Variants in PRIM2 observed in about 807,000 individuals in gnomAD.
PRIM2 encodes DNA primase subunit 2.
Under a neutral mutation model 67.3 loss-of-function variants are expected in PRIM2, and 39 were observed. The observed-to-expected ratio is 0.58, with a 90% CI of 0.45 to 0.76. PRIM2 has a LOEUF of 0.76. PRIM2 is among the 30% of genes least tolerant of loss of function. The pLI is 0.00. For missense variants in PRIM2, 398 were observed against 598.7 expected (o/e 0.66, Z 3.50); for synonymous variants, 143 against 198.7 (o/e 0.72, Z 2.36).
In PRIM2 at chr6:57,646,625, CTA is replaced by C. The variant is rs1477128845; in HGVS notation, c.*471_*472del. 6.6e-6 allele frequency: 1 copy of C among 152,456 alleles called. No homozygotes were observed. The highest frequency in any genetic ancestry group is 1.5e-5 in the Non-Finnish European group (1 of 68,414). 9.4% of individuals were successfully genotyped at this position (152,456 alleles called of 1,614,324 possible). ...TTTGAGGTAACAACAGAGACTTTCA[CTA>C]TATTTTGCTTTGACAGAAGGAAAGA... is the stretch of plus-strand genomic sequence containing the variant. On this transcript the variant is annotated 3_prime_UTR_variant, in exon 14 of 14. Transcript: ENST00000615550.
rs553292970 is a variant in PRIM2 at position 57,324,982 on chromosome 6, A to G, written c.338+702A>G. On this transcript the variant is annotated intron_variant, in intron 4 of 13. Transcript: ENST00000615550. ...TTATATAATAAATATGTTGCTGACAATCTGTGAAAATCTCCTAAAAATGTG... is the reference window on the plus strand; with the variant it reads ...TTATATAATAAATATGTTGCTGACAGTCTGTGAAAATCTCCTAAAAATGTG... Among the ~76,000 whole-genome samples, 6 of 152,290 alleles carry G rather than the reference A, an allele frequency of 3.9e-5. 1 individual carries two copies. The South Asian group carries it at 1.0e-3, about 26-fold the overall frequency.
chr6:57,256,017 A>G, the PRIM2 span, among the ~76,000 whole-genome samples: 10 of 106,286 alleles, frequency 9.4e-5, no homozygotes, highest in South Asian at 2.4e-3. Flanking sequence ...ACGCACACAC[A>G]CACACATACA....
At chr6:57,281,793 C>T in the PRIM2 span, among the ~76,000 whole-genome samples, 1 of 152,004 alleles carries the variant, frequency 6.6e-6, no homozygotes, top group Admixed American at 6.6e-5. Flanking sequence ...AATTCTCACT[C>T]ACTAAGATAT....
At chr6:57,637,432 T>C (rs1777140948) in intron 13 of PRIM2, among the ~76,000 whole-genome samples, 1 of 152,068 alleles carries the variant, frequency 6.6e-6, no homozygotes, top group Non-Finnish European at 1.5e-5. Flanking sequence ...GAAGTAGGCT[T>C]CAGAAGGTGG....
At chr6:57,412,835 A>G (rs1771136150) in intron 7 of PRIM2, among the ~76,000 whole-genome samples, 1 of 152,120 alleles carries the variant, frequency 6.6e-6, no homozygotes, top group Non-Finnish European at 1.5e-5. Flanking sequence ...AAGGCTATAT[A>G]AAATCTGTAT....
At chr6:57,550,504 A>G (rs1775380893) in intron 10 of PRIM2, among the ~76,000 whole-genome samples, 1 of 152,304 alleles carries the variant, frequency 6.6e-6, no homozygotes, top group South Asian at 2.1e-4. Flanking sequence ...TCCTAACACT[A>G]TTCTGGCAAA....
At chr6:57,524,875 A>G (rs1774713409) in intron 8 of PRIM2, among the ~76,000 whole-genome samples, 2 of 152,232 alleles carry the variant, frequency 1.3e-5, no homozygotes, top group South Asian at 4.2e-4. Context: ...AGAAGGCACT[A>G]TTATATGTAC....
intron 5 of PRIM2, among the ~76,000 whole-genome samples, chr6:57,357,018 C>T (rs979658880): frequency 1.3e-5 from 2 of 150,564 alleles, no homozygotes; most frequent in African/African-American, 4.9e-5. Context: ...ACTGCAACCT[C>T]GGCCTCCTGG....
intron 7 of PRIM2, among the ~76,000 whole-genome samples, chr6:57,495,198 A>G (rs1230119694): frequency 6.6e-6 from 1 of 152,232 alleles, no homozygotes; most frequent in Non-Finnish European, 1.5e-5. Context: ...ATTTTTAAAG[A>G]AAAACTGTAG....
chr6:57,540,482 T>C (rs1390980659), intron 10 of PRIM2, among the ~76,000 whole-genome samples: 3 of 152,240 alleles, frequency 2.0e-5, no homozygotes, highest in Non-Finnish European at 4.4e-5. Flanking sequence ...GGTCCACTTA[T>C]ATGTGGATTT....
the PRIM2 span, among the ~76,000 whole-genome samples, chr6:57,242,326 G>A: frequency 6.6e-6 from 1 of 152,022 alleles, no homozygotes; most frequent in African/African-American, 2.4e-5. Flanking sequence ...CATTTATTTT[G>A]TGTTTGAAAA....
At position 57,455,186 on chromosome 6, in the gene PRIM2, G is replaced by A. The variant is rs1220726730; in HGVS notation, c.694-52201G>A. 3.5e-4 allele frequency among the ~76,000 whole-genome samples: 53 copies of A among 152,292 alleles called. 1 individual carries two copies. In the South Asian group the frequency reaches 0.01, roughly 29 times the overall value. On this transcript the variant is annotated intron_variant, in intron 7 of 13. Transcript: ENST00000615550. ...TAATTTCTGTTCTTTTACATTTGCT[G>A]AGGAGTGCTTTACTTCCAACTATGT...
intron 7 of PRIM2, among the ~76,000 whole-genome samples, chr6:57,425,341 T>G (rs539063923): frequency 1.3e-5 from 2 of 152,166 alleles, no homozygotes; most frequent in Non-Finnish European, 2.9e-5. Flanking sequence ...GGGTTCAGCC[T>G]CCCAAGTAAC....
chr6:57,425,122 GTCTA>G (rs1446395797), intron 7 of PRIM2, among the ~76,000 whole-genome samples: 3 of 151,988 alleles, frequency 2.0e-5, no homozygotes, highest in African/African-American at 4.8e-5. Context: ...TATGTTCTGT[GTCTA>G]TCTAGTTTTT....
At chr6:57,364,453 A>T (rs1769290664) in intron 5 of PRIM2, among the ~76,000 whole-genome samples, 1 of 152,076 alleles carries the variant, frequency 6.6e-6, no homozygotes, top group African/African-American at 2.4e-5. Flanking sequence ...CGTATTTAGG[A>T]TTGTGTCTCT....
intron 12 of PRIM2, among the ~76,000 whole-genome samples, chr6:57,626,100 C>T (rs1776945733): frequency 6.6e-6 from 1 of 152,182 alleles, no homozygotes; most frequent in African/African-American, 2.4e-5. Context: ...TTAGATTAGC[C>T]ACATATCTAA....
the PRIM2 span, among the ~76,000 whole-genome samples, chr6:57,230,854 G>C: frequency 6.6e-6 from 1 of 152,082 alleles, no homozygotes; most frequent in Non-Finnish European, 1.5e-5. Context: ...CAACTCCCAG[G>C]GTTATGGAGG....
chr6:57,513,997 T>C (rs1774427044), intron 8 of PRIM2, among the ~76,000 whole-genome samples: 1 of 152,208 alleles, frequency 6.6e-6, no homozygotes, highest in Non-Finnish European at 1.5e-5. Context: ...AAAACAAGTA[T>C]TACTTATAGT....
chr6:57,282,184 G>C, the PRIM2 span, among the ~76,000 whole-genome samples: 4 of 152,056 alleles, frequency 2.6e-5, no homozygotes, highest in African/African-American at 9.7e-5. Context: ...TTGCATAGTT[G>C]TGTCTGTGTA....
Sources: allele counts gnomAD v4.1 joint callset (sites outside exome capture counted in the v4.1 genomes callset), GRCh38; gene constraint gnomAD v4.1.1; transcripts MANE v1.5; gene names NCBI Gene and HGNC (gene_info 2026-07-23, HGNC 2026-07-21).